DAB1: variants seen among roughly 807,000 people sequenced by gnomAD.
DAB1 encodes the protein disabled homolog 1.
In DAB1, 15 loss-of-function variants were observed where a neutral mutation model predicts 64.6. The ratio of observed to expected loss-of-function variants is 0.23; its 90% confidence interval spans 0.16 to 0.36. The LOEUF (loss-of-function observed/expected upper bound fraction) is 0.36, where lower values mean the gene tolerates loss of function less well. Among genes scored for constraint, DAB1 ranks in the 10% least tolerant of loss-of-function variants. DAB1 has a pLI of 1.00. For synonymous variants in DAB1, 235 were observed against 251.9 expected (o/e 0.93, Z 0.64); for missense variants, 596 against 706.7 (o/e 0.84, Z 1.78).
intron 1 of DAB1, among the ~76,000 whole-genome samples, chr1:57,366,437 A>G (rs957636686): frequency 6.6e-6 from 1 of 152,214 alleles, no homozygotes; most frequent in Non-Finnish European, 1.5e-5. Context: ...AGTCCCCTGG[A>G]GCAAACCATG....
intron 7 of DAB1, among the ~76,000 whole-genome samples, chr1:57,515,390 C>T (rs180932296): frequency 4.6e-5 from 7 of 152,320 alleles, no homozygotes; most frequent in Admixed American, 2.0e-4. Flanking sequence ...CTCTTCACTT[C>T]TCCAGAACCA....
intron 7 of DAB1, among the ~76,000 whole-genome samples, chr1:57,466,033 G>A (rs1686944740): frequency 1.3e-5 from 2 of 152,148 alleles, no homozygotes; most frequent in Admixed American, 1.3e-4. Flanking sequence ...TTAATAGCTA[G>A]GAGGATGCAA....
chr1:57,854,156 T>G (rs985795), intron 1 of DAB1, among the ~76,000 whole-genome samples: 5,279 of 152,298 alleles, frequency 0.035, 148 homozygotes, highest in Non-Finnish European at 0.053. Flanking sequence ...CTTCCACAAA[T>G]TGAGTAAATA....
chr1:57,666,836 T>G (rs1570719824), intron 6 of DAB1, among the ~76,000 whole-genome samples: 1 of 151,148 alleles, frequency 6.6e-6, no homozygotes, highest in Non-Finnish European at 1.5e-5. Context: ...GCTAGGGTAA[T>G]TTTTAATTAA....
chr1:57,305,968 C>CAAAA (rs1048177276), intron 1 of DAB1, among the ~76,000 whole-genome samples: 20 of 62,170 alleles, frequency 3.2e-4, no homozygotes, highest in African/African-American at 1.3e-3. Flanking sequence ...GACTCCGTCT[C>CAAAA]AAAAAAAAAA....
At chr1:58,255,860 A>G (rs1660916880) in intron 4 of DAB1, among the ~76,000 whole-genome samples, 1 of 152,194 alleles carries the variant, frequency 6.6e-6, no homozygotes, top group African/African-American at 2.4e-5. Flanking sequence ...TTTTCACAAT[A>G]AGCCTGTGAG....
intron 4 of DAB1, among the ~76,000 whole-genome samples, chr1:58,296,395 G>C (rs1416156079): frequency 6.6e-6 from 1 of 152,128 alleles, no homozygotes; most frequent in Non-Finnish European, 1.5e-5. Context: ...CGCTGGCAAA[G>C]GCTATGCGCA....
At chr1:57,149,080 A>G (rs1398617225) in intron 2 of DAB1, among the ~76,000 whole-genome samples, 2 of 152,194 alleles carry the variant, frequency 1.3e-5, no homozygotes, top group Non-Finnish European at 2.9e-5. Flanking sequence ...CTAGACATTT[A>G]TATAATTGTT....
chr1:57,513,959 G>A (rs1180687465), intron 7 of DAB1, among the ~76,000 whole-genome samples: 1 of 152,120 alleles, frequency 6.6e-6, no homozygotes, highest in Non-Finnish European at 1.5e-5. Flanking sequence ...TTGTCTTTCT[G>A]TGCCTGGCTT....
chr1:57,760,627 C>CACACACAG (rs1649040000), intron 6 of DAB1, among the ~76,000 whole-genome samples: 1 of 58,490 alleles, frequency 1.7e-5, no homozygotes, highest in Non-Finnish European at 3.7e-5. Context: ...CTCTCACACA[C>CACACACAG]ACACACACAC....
At chr1:57,659,984 A>AATAT (rs1473173916) in intron 6 of DAB1, among the ~76,000 whole-genome samples, 1 of 146,694 alleles carries the variant, frequency 6.8e-6, no homozygotes, top group Non-Finnish European at 1.5e-5. Context: ...CTCAAAAATA[A>AATAT]ATAAATAAAT....
intron 7 of DAB1, among the ~76,000 whole-genome samples, chr1:57,495,284 C>G (rs944167692): frequency 1.5e-4 from 23 of 152,244 alleles, no homozygotes; most frequent in African/African-American, 5.5e-4. Context: ...AAGATGCTGC[C>G]AAGTAAAAGT....
At chr1:57,110,229 C>A (rs1324890420) in intron 4 of DAB1, among the ~76,000 whole-genome samples, 1 of 152,172 alleles carries the variant, frequency 6.6e-6, no homozygotes, top group Non-Finnish European at 1.5e-5. Flanking sequence ...AAAAACTAGG[C>A]CACATGTTCA....
intron 2 of DAB1, among the ~76,000 whole-genome samples, chr1:57,218,782 G>C: frequency 6.6e-6 from 1 of 152,168 alleles, no homozygotes; most frequent in Non-Finnish European, 1.5e-5. Flanking sequence ...GGGTGCAAAA[G>C]TAGGTGGCAG....
At chr1:58,534,647 G>A (rs1432733829) in intron 1 of DAB1, among the ~76,000 whole-genome samples, 1 of 152,172 alleles carries the variant, frequency 6.6e-6, no homozygotes, top group Non-Finnish European at 1.5e-5. Context: ...AGAAAACACT[G>A]CCTAGGCCAG....
At chr1:58,300,594 AAGAAAGAAAGAAAGAAAG>A (rs1662111627) in intron 4 of DAB1, among the ~76,000 whole-genome samples, 1 of 33,598 alleles carries the variant, frequency 3.0e-5, no homozygotes, top group African/African-American at 9.5e-5. Flanking sequence ...GAAAGAAAGA[AAGAAAGAAAGAAAGAAAG>A]AGAGAGAGAG....
chr1:57,868,881 C>T (rs1259849771), intron 1 of DAB1, among the ~76,000 whole-genome samples: 2 of 152,072 alleles, frequency 1.3e-5, no homozygotes, highest in Non-Finnish European at 2.9e-5. Flanking sequence ...TCCACCTAAA[C>T]TGTTTTTCTT....
chr1:57,157,206 A>AT (rs554422307), intron 2 of DAB1, among the ~76,000 whole-genome samples: 22 of 151,568 alleles, frequency 1.5e-4, no homozygotes, highest in Non-Finnish European at 2.4e-4. Flanking sequence ...CAAGATAAGT[A>AT]TTTTTTTTTC....
intron 7 of DAB1, among the ~76,000 whole-genome samples, chr1:57,432,449 G>A (rs1685552532): frequency 6.6e-6 from 1 of 152,064 alleles, no homozygotes; most frequent in Admixed American, 6.6e-5. Context: ...GGTAAACTGT[G>A]TATCAAAAGA....
Sources: gnomAD v4.1 joint callset for allele counts (sites outside exome capture counted in the v4.1 genomes callset) on GRCh38, gnomAD v4.1.1 for gene constraint, MANE v1.5 for transcripts, NCBI Gene and HGNC (gene_info 2026-07-23, HGNC 2026-07-21) for gene names.